MRM1: variants seen among roughly 807,000 people sequenced by gnomAD.
The protein encoded by MRM1 is mitochondrial rRNA methyltransferase 1.
In MRM1, 24 loss-of-function variants were observed where a neutral mutation model predicts 25.0. The observed-to-expected ratio is 0.96, with a 90% CI of 0.69 to 1.35. The LOEUF (loss-of-function observed/expected upper bound fraction) is 1.35, where lower values mean the gene tolerates loss of function less well. Among genes scored for constraint, MRM1 ranks in the 40% most tolerant of loss-of-function variants. The pLI, the probability that MRM1 is intolerant of heterozygous loss-of-function variation, is 0.00. For missense variants in MRM1, 431 were observed against 464.1 expected, an observed-to-expected ratio of 0.93 and a Z score of 0.65; for synonymous variants, 188 against 199.2, an observed-to-expected ratio of 0.94 and a Z score of 0.47.
chr17:36,624,390 C>T, the MRM1 span, among the ~76,000 whole-genome samples: 1 of 152,192 alleles, frequency 6.6e-6, no homozygotes, highest in Non-Finnish European at 1.5e-5. The surrounding 1 kb of genome is among the most constrained non-coding windows in gnomAD (Gnocchi z 4.0). Flanking sequence ...CCTGAGCACC[C>T]CTTGCCATCT....
At chr17:36,605,568 A>G (rs758413534) in intron 2 of MRM1, among the ~76,000 whole-genome samples, 3 of 150,012 alleles carry the variant, frequency 2.0e-5, no homozygotes, top group Non-Finnish European at 4.4e-5. Context: ...GCCCAAGTGT[A>G]TACTCCAGCC....
At position 36,608,544 on chromosome 17, in the gene MRM1, G is replaced by T. The variant is rs545817849; in HGVS notation, c.*129G>T. The T allele has an allele frequency of 2.9e-5, 15 of 515,956 alleles. 1 individual carries two copies. Among genetic ancestry groups the T allele is most frequent in the South Asian group, 2.0e-4 (4 of 19,954 alleles). The allele number at this position is 515,956 out of a possible 1,614,324, so 32.0% of individuals were successfully genotyped here. Reference sequence around the variant, plus strand: ...CATGTTTATTGACCACAGTCTGGGGGGGGGGGAAGGGGACTGCGGTGGACA... The same window carrying T: ...CATGTTTATTGACCACAGTCTGGGGTGGGGGGAAGGGGACTGCGGTGGACA... On this transcript the variant is annotated 3_prime_UTR_variant, in exon 5 of 5. Transcript: ENST00000614766.
chr17:36,623,945 C>T, the MRM1 span, among the ~76,000 whole-genome samples: 1 of 152,218 alleles, frequency 6.6e-6, no homozygotes, highest in Non-Finnish European at 1.5e-5. Context: ...CACCGTCTTC[C>T]TTGGCTGGGC....
chr17:36,623,341 G>A, the MRM1 span, among the ~76,000 whole-genome samples: 32 of 152,164 alleles, frequency 2.1e-4, no homozygotes, highest in Admixed American at 6.5e-5. Context: ...GGGAGCGTGT[G>A]CAAACAGTGA....
In MRM1 at chr17:36,601,926, T is replaced by A; in HGVS notation, c.116T>A (p.Leu39Gln). Residue 39 changes from leucine (L) to glutamine (Q), a missense_variant, in exon 1 of 5, where the codon CTG becomes CAG. Leu to Gln is a moderately radical substitution (Grantham distance 113). Transcript: ENST00000614766. Reference sequence around the variant, plus strand: ...GGTGGGGAGGAGCTAAGCCGCTTGCTGCTGGATGACCTGGTGCCGACCTCT... The same window carrying A: ...GGTGGGGAGGAGCTAAGCCGCTTGCAGCTGGATGACCTGGTGCCGACCTCT... The part of the protein sequence containing the change: ...RPGGEELSRL[L>Q]LDDLVPTSRL... The A allele has an allele frequency of 6.2e-7, 1 of 1,612,908 alleles. No homozygotes were observed.
chr17:36,616,217 C>A, the MRM1 span, among the ~76,000 whole-genome samples: 1 of 152,162 alleles, frequency 6.6e-6, no homozygotes, highest in Non-Finnish European at 1.5e-5. Context: ...GTGAATAAGT[C>A]CTGAGGTTGG....
At chr17:36,620,011 A>G in the MRM1 span, among the ~76,000 whole-genome samples, 1 of 152,210 alleles carries the variant, frequency 6.6e-6, no homozygotes, top group South Asian at 2.1e-4. Context: ...AGAAATGTCC[A>G]TTCGTGCTCT....
At chr17:36,622,964 G>A in the MRM1 span, among the ~76,000 whole-genome samples, 11 of 152,344 alleles carry the variant, frequency 7.2e-5, no homozygotes, top group African/African-American at 2.6e-4. Flanking sequence ...GGTCAGCTGC[G>A]ATCCTGAATT....
At chr17:36,607,828 C>A in intron 3 of MRM1, 26 bp downstream of exon 3, 2 of 1,612,408 alleles carry the variant, frequency 1.2e-6, no homozygotes, top group Non-Finnish European at 1.7e-6. Flanking sequence ...TGCGTTTGTG[C>A]CCAGATTACA....
the MRM1 span, among the ~76,000 whole-genome samples, chr17:36,620,041 G>T: frequency 6.6e-6 from 1 of 152,074 alleles, no homozygotes; most frequent in African/African-American, 2.4e-5. Context: ...TTTACATCAG[G>T]TTGTTTACTT....
chr17:36,607,528 TGGGA>T, intron 2 of MRM1, 138 bp from the exon 3 acceptor site: 2 of 963,946 alleles, frequency 2.1e-6, no homozygotes, highest in Non-Finnish European at 3.0e-6. Flanking sequence ...GAGGCTGAGG[TGGGA>T]GGATCACCAG....
the MRM1 span, among the ~76,000 whole-genome samples, chr17:36,626,603 C>T: frequency 1.6e-4 from 24 of 152,078 alleles, no homozygotes; most frequent in Admixed American, 5.9e-4. Context: ...TCAAGTGATC[C>T]GCCTGCCTCA....
chr17:36,602,736 G>T lies in MRM1; in HGVS notation c.636+90G>T. Reference sequence around the variant, plus strand: ...GCTAGCCCCTGGCGAGGGAGAGAAAGGGGCATGTTGGCACCGCTTCCTTTG... The same window carrying T: ...GCTAGCCCCTGGCGAGGGAGAGAAATGGGCATGTTGGCACCGCTTCCTTTG... On this transcript the variant is annotated intron_variant, in intron 2 of 4. Transcript: ENST00000614766. The surrounding 1 kb of genome is among the most constrained non-coding windows in gnomAD (Gnocchi z 4.1). 1 of 1,482,576 alleles carries T rather than the reference G, an allele frequency of 6.7e-7. No individual in the cohort carries two copies. Among genetic ancestry groups the T allele is most frequent in the Non-Finnish European group, 9.4e-7 (1 of 1,068,488 alleles). The allele number at this position is 1,482,576 out of a possible 1,614,324, so 91.8% of individuals were successfully genotyped here. A position where few individuals can be genotyped will look rare whatever the true frequency, so the allele number is the denominator to read the frequency against.
At position 36,602,101 on chromosome 17, in the gene MRM1, T is replaced by G; in HGVS notation, c.291T>G (p.Ile97Met). 6.2e-7 allele frequency: 1 copy of G among 1,611,636 alleles called. No individual in the cohort carries two copies. Among genetic ancestry groups the G allele is most frequent in the Admixed American group, 1.7e-5 (1 of 60,028 alleles). The change falls in exon 1 of 5, where the codon ATT (isoleucine) becomes ATG (methionine). Residue 97 changes from isoleucine (I) to methionine (M), a missense_variant. Transcript: ENST00000614766. The surrounding 1 kb of genome is among the most constrained non-coding windows in gnomAD (Gnocchi z 4.1). ...TCCGGATGGCCGAGGCGCGGGACAT[T>G]CCAGTTCTGCGGCCCAGACGGCAGA... ...ELLRMAEARDIPVLRPRRQKL... is the reference protein window; with the variant it reads ...ELLRMAEARDMPVLRPRRQKL...
the MRM1 span, among the ~76,000 whole-genome samples, chr17:36,626,146 C>T: frequency 3.9e-5 from 6 of 152,188 alleles, no homozygotes; most frequent in Non-Finnish European, 8.8e-5. Flanking sequence ...ACCCATCCTG[C>T]CTCTGCTATG....
chr17:36,634,243 T>G, the MRM1 span: 1 of 152,234 alleles, frequency 6.6e-6, no homozygotes, highest in African/African-American at 2.4e-5. Context: ...TCCATTCTGA[T>G]CAGTTCTTTC....
chr17:36,603,184 C>G, intron 2 of MRM1: 1 of 984,522 alleles, frequency 1.0e-6, no homozygotes, highest in Non-Finnish European at 1.2e-6. Context: ...CCAACCCCCA[C>G]CCCAACTGCA....
rs568686649 is a variant in MRM1 at position 36,602,651 on chromosome 17, T to A, written c.636+5T>A. The A allele has an allele frequency of 6.2e-7, 1 of 1,613,900 alleles. No individual in the cohort carries two copies. Among genetic ancestry groups the A allele is most frequent in the South Asian group, 1.1e-5 (1 of 91,076 alleles). Reference sequence around the variant, plus strand: ...GACCTCACCGGATTTTTACAGGTAATGAGGGGCAAGAGGGGAAGGAACAGA... The same window carrying A: ...GACCTCACCGGATTTTTACAGGTAAAGAGGGGCAAGAGGGGAAGGAACAGA... On this transcript the variant is annotated splice_donor_5th_base_variant and intron_variant, in intron 2 of 4. Coordinates refer to ENST00000614766, the MANE Select transcript of MRM1 (RefSeq NM_024864.5). This position sits in a 1 kb window ranked among gnomAD's most constrained non-coding sequence, Gnocchi z 4.1.
chr17:36,627,072 A>G, the MRM1 span, among the ~76,000 whole-genome samples: 1 of 152,188 alleles, frequency 6.6e-6, no homozygotes, highest in Non-Finnish European at 1.5e-5. Context: ...GTAGGACAGA[A>G]TGAGATGATG....
Sources: gnomAD v4.1 joint callset for allele counts (sites outside exome capture counted in the v4.1 genomes callset) on GRCh38, gnomAD v4.1.1 for gene constraint, Gnocchi (gnomAD v3.1) non-coding constraint, MANE v1.5 for transcripts, NCBI Gene and HGNC (gene_info 2026-07-23, HGNC 2026-07-21) for gene names.